Variants in DTWD2 observed in about 807,000 individuals in gnomAD.
DTWD2 encodes DTW motif tRNA-uridine aminocarboxypropyltransferase 2.
DTWD2 carries 39 observed loss-of-function variants against 31.8 expected under a neutral mutation model. That is an observed-to-expected ratio of 1.22 (90% CI 0.95 to 1.60). The LOEUF (loss-of-function observed/expected upper bound fraction) is 1.60. Ranked by LOEUF, DTWD2 falls within the 40% of genes most tolerant of loss-of-function variation. The pLI, the probability that DTWD2 is intolerant of heterozygous loss-of-function variation, is 0.00. For synonymous variants in DTWD2, 180 were observed against 142.8 expected (o/e 1.26, Z -1.86); for missense variants, 515 against 381.5 (o/e 1.35, Z -2.92).
chr5:118,861,997 C>T (rs1222740282), intron 4 of DTWD2, among the ~76,000 whole-genome samples: 1 of 152,176 alleles, frequency 6.6e-6, no homozygotes, highest in East Asian at 1.9e-4. Context: ...TGGACCGGTA[C>T]CGTTCTGTGG....
intron 1 of DTWD2, among the ~76,000 whole-genome samples, chr5:118,959,815 A>C (rs561327310): frequency 1.8e-4 from 28 of 152,268 alleles, no homozygotes; most frequent in Non-Finnish European, 4.0e-4. Context: ...TCTGATCTTC[A>C]ACAAAGCTGA....
chr5:118,897,737 C>G (rs967979758), intron 4 of DTWD2, among the ~76,000 whole-genome samples: 6 of 152,200 alleles, frequency 3.9e-5, no homozygotes, highest in African/African-American at 1.2e-4. Context: ...CTTATCTCCT[C>G]TTCCTGTCAG....
chr5:118,946,504 T>C (rs1754341571), intron 1 of DTWD2, among the ~76,000 whole-genome samples: 2 of 152,188 alleles, frequency 1.3e-5, no homozygotes, highest in Non-Finnish European at 2.9e-5. Flanking sequence ...TCTATTAAGT[T>C]AATCAAAACC....
chr5:118,862,650 G>A (rs1752289116), intron 4 of DTWD2, among the ~76,000 whole-genome samples: 1 of 152,132 alleles, frequency 6.6e-6, no homozygotes, highest in Non-Finnish European at 1.5e-5. Flanking sequence ...CTTCTTAGCT[G>A]GTAAAACAGT....
At position 118,853,668 on chromosome 5, in the gene DTWD2, T is replaced by A. The variant is rs1042369322; in HGVS notation, c.598-5450A>T. ...GAAAACGAAAATCAAATACTGCATG[T>A]TCTCCCTTATAATTGGGAGCTAAAC... is the stretch of plus-strand genomic sequence containing the variant. On this transcript the variant is annotated intron_variant, in intron 4 of 5. Coordinates refer to ENST00000510708, the MANE Select transcript of DTWD2 (RefSeq NM_173666.4). Among the ~76,000 whole-genome samples the A allele has an allele frequency of 5.3e-5, 8 of 152,284 alleles. No individual in the cohort carries two copies. The East Asian group carries it at 1.5e-3, about 29-fold the overall frequency.
At chr5:118,884,316 T>A (rs1287808870) in intron 4 of DTWD2, among the ~76,000 whole-genome samples, 2 of 152,244 alleles carry the variant, frequency 1.3e-5, no homozygotes, top group Non-Finnish European at 2.9e-5. Context: ...AGAAATATTA[T>A]GCTGTCTTGC....
In DTWD2 at chr5:118,928,744, T is replaced by C. The variant is rs114274514; in HGVS notation, c.405-15A>G. On this transcript the variant is annotated splice_polypyrimidine_tract_variant and intron_variant, in intron 3 of 5. Transcript: ENST00000510708. ...GTTCAGGATCTCTGAAAAAGTTTTT[T>C]AAAAATATATCTTTATTAGCTTGTG... is the stretch of plus-strand genomic sequence containing the variant. The C allele has an allele frequency of 6.6e-7, 1 of 1,508,574 alleles. No individual in the cohort carries two copies. The highest frequency in any genetic ancestry group is 1.4e-5 in the African/African-American group (1 of 71,242). The allele number at this position is 1,508,574 out of a possible 1,614,324, so 93.4% of individuals were successfully genotyped here.
chr5:118,846,853 A>AT (rs1751865557), intron 5 of DTWD2, among the ~76,000 whole-genome samples: 1 of 148,390 alleles, frequency 6.7e-6, no homozygotes, highest in African/African-American at 2.5e-5. Context: ...TCCTTCATGA[A>AT]TTTTTTTTCA....
At chr5:118,940,835 C>T (rs1754162314) in intron 2 of DTWD2, among the ~76,000 whole-genome samples, 1 of 152,086 alleles carries the variant, frequency 6.6e-6, no homozygotes, top group Admixed American at 6.6e-5. Context: ...CTTTCTAATA[C>T]CACTCCTTCC....
intron 4 of DTWD2, among the ~76,000 whole-genome samples, chr5:118,922,521 A>G (rs568132218): frequency 6.6e-6 from 1 of 152,318 alleles, no homozygotes; most frequent in South Asian, 2.1e-4. Context: ...ACATTTAGAA[A>G]TAAAACCGAA....
rs574196597 is a variant in DTWD2, at chr5:118,973,678, A to G, written c.218+14616T>C. ...TCGCGGCAGCCTCCTTGCTCGCCGC[A>G]GCCGCCTCCGCCACGCGCCTCCTCC... On this transcript the variant is annotated intron_variant, in intron 1 of 5. Coordinates refer to ENST00000510708, the MANE Select transcript of DTWD2 (RefSeq NM_173666.4). 9.7e-4 allele frequency: 1,150 copies of G among 1,180,486 alleles called. 12 individuals are homozygous for G. In the African/African-American group the frequency reaches 0.016, roughly 16 times the overall value. 73.1% of individuals were successfully genotyped at this position (1,180,486 alleles called of 1,614,324 possible). A position where few individuals can be genotyped will look rare whatever the true frequency, so the allele number is the denominator to read the frequency against.
At chr5:118,929,120 A>AGG (rs1753869450) in intron 3 of DTWD2, among the ~76,000 whole-genome samples, 1 of 152,232 alleles carries the variant, frequency 6.6e-6, no homozygotes, top group Non-Finnish European at 1.5e-5. Flanking sequence ...AACAATCCTA[A>AGG]CAATCCCAAG....
At chr5:118,847,992 G>A (rs1198251848) in intron 5 of DTWD2, 98 bp downstream of exon 5, 1 of 1,283,606 alleles carries the variant, frequency 7.8e-7, no homozygotes, top group East Asian at 2.7e-5. Context: ...GATTCTACTT[G>A]TCACATGAGT....
intron 4 of DTWD2, among the ~76,000 whole-genome samples, chr5:118,858,821 A>C (rs1042141291): frequency 6.6e-6 from 1 of 152,184 alleles, no homozygotes; most frequent in Non-Finnish European, 1.5e-5. Flanking sequence ...ACTGTCTCAA[A>C]ACAAATACAG....
chr5:118,890,196 T>C (rs1752948272), intron 4 of DTWD2, among the ~76,000 whole-genome samples: 1 of 152,194 alleles, frequency 6.6e-6, no homozygotes, highest in South Asian at 2.1e-4. Context: ...GCAGATAAGC[T>C]GTGGAGACAG....
chr5:118,867,245 T>C (rs1364507927), intron 4 of DTWD2, among the ~76,000 whole-genome samples: 2 of 152,088 alleles, frequency 1.3e-5, no homozygotes, highest in African/African-American at 4.8e-5. Flanking sequence ...TAGTTTAAAA[T>C]TGAACAGCAT....
chr5:118,986,917 TG>T (rs755030516), intron 1 of DTWD2, among the ~76,000 whole-genome samples: 10 of 152,182 alleles, frequency 6.6e-5, no homozygotes, highest in Admixed American at 1.3e-4. Flanking sequence ...GCAGAAATGT[TG>T]GGGAAAATTG....
intron 4 of DTWD2, among the ~76,000 whole-genome samples, chr5:118,909,782 T>A (rs2149570205): frequency 6.6e-6 from 1 of 152,278 alleles, no homozygotes; most frequent in South Asian, 2.1e-4. Flanking sequence ...CACAGAGAGC[T>A]GCCTGAAATG....
intron 4 of DTWD2, among the ~76,000 whole-genome samples, chr5:118,909,406 C>A (rs1299313000): frequency 1.4e-4 from 21 of 152,298 alleles, no homozygotes; most frequent in South Asian, 6.2e-4. Context: ...CTGAGGAAAC[C>A]AATAGCCAGC....
Sources: allele counts gnomAD v4.1 joint callset (sites outside exome capture counted in the v4.1 genomes callset), GRCh38; gene constraint gnomAD v4.1.1; transcripts MANE v1.5; gene names NCBI Gene and HGNC (gene_info 2026-07-23, HGNC 2026-07-21).